Variants in OSBPL3 observed in about 807,000 individuals in gnomAD.
OSBPL3 encodes the protein oxysterol binding protein like 3.
In OSBPL3, 65 loss-of-function variants were observed where a neutral mutation model predicts 120.1. That is an observed-to-expected ratio of 0.54 (90% confidence interval 0.44 to 0.67). The LOEUF (loss-of-function observed/expected upper bound fraction) is 0.67, where lower values mean the gene tolerates loss of function less well. OSBPL3 is among the 30% of genes least tolerant of loss of function. The probability of loss-of-function intolerance (pLI) is 0.00; values close to 1 mark genes in which losing one functional copy is unlikely to be tolerated. For synonymous variants in OSBPL3, 416 were observed against 402.6 expected (o/e 1.03, Z -0.40); for missense variants, 1,004 against 1,082.1 (o/e 0.93, Z 1.01).
chr7:24,837,115 G>A (rs149435765), intron 14 of OSBPL3, among the ~76,000 whole-genome samples: 20 of 152,316 alleles, frequency 1.3e-4, no homozygotes, highest in African/African-American at 3.6e-4. Flanking sequence ...GATTACAGGC[G>A]TGAGCCACCA....
rs982083244 is a variant in OSBPL3 at position 24,827,170 on chromosome 7, G to C, written c.1884+3598C>G. ...CAGAAACCTGTACTCATTGTAGAGA[G>C]GCACAAGAAAACAAACCTCTAAGCC... On this transcript the variant is annotated intron_variant, in intron 16 of 22. Transcript: ENST00000313367. This position sits in a 1 kb window ranked among gnomAD's most constrained non-coding sequence, Gnocchi z 5.1. Among the ~76,000 whole-genome samples, 4 of 152,204 alleles carry C rather than the reference G, an allele frequency of 2.6e-5. No individual in the cohort carries two copies. The highest frequency in any genetic ancestry group is 5.9e-5 in the Non-Finnish European group (4 of 68,034).
intron 1 of OSBPL3, chr7:24,906,729 C>T (rs1168212760): frequency 2.6e-5 from 4 of 152,344 alleles, no homozygotes; most frequent in African/African-American, 7.2e-5. Context: ...AGTGCTGATA[C>T]CTCTTAACTT....
rs1163378286 is a variant in OSBPL3, at chr7:24,966,875, T to A, written c.-150+13011A>T. On this transcript the variant is annotated intron_variant, in intron 1 of 22. Transcript: ENST00000313367. This position sits in a 1 kb window ranked among gnomAD's most constrained non-coding sequence, Gnocchi z 4.8. ...CATATATAAATCACATACATACAAA[T>A]TTATGTCAACAAATAATCATTTTTT... Among the ~76,000 whole-genome samples the A allele has an allele frequency of 1.3e-5, 2 of 152,220 alleles. No homozygotes were observed. Among genetic ancestry groups the A allele is most frequent in the Non-Finnish European group, 1.5e-5 (1 of 68,032 alleles).
chr7:24,921,431 A>T (rs539621508), intron 1 of OSBPL3, among the ~76,000 whole-genome samples: 1 of 152,334 alleles, frequency 6.6e-6, no homozygotes, highest in Admixed American at 6.5e-5. Context: ...GGTAATTGTA[A>T]ATCACCTCTT....
intron 10 of OSBPL3, among the ~76,000 whole-genome samples, chr7:24,856,928 A>G (rs1799910305): frequency 6.6e-6 from 1 of 152,210 alleles, no homozygotes; most frequent in Non-Finnish European, 1.5e-5. Flanking sequence ...ATTGATTTAG[A>G]TACATTAGGT....
intron 1 of OSBPL3, among the ~76,000 whole-genome samples, chr7:24,962,101 G>A (rs763019238): frequency 1.3e-5 from 2 of 151,874 alleles, no homozygotes; most frequent in East Asian, 2.0e-4. Flanking sequence ...TCAGGAGTTC[G>A]AGACCAGCCT....
At chr7:24,857,837 A>G (rs1311771312) in intron 10 of OSBPL3, among the ~76,000 whole-genome samples, 2 of 152,270 alleles carry the variant, frequency 1.3e-5, no homozygotes, top group East Asian at 3.9e-4. Flanking sequence ...GGCCTTTACT[A>G]TTTACTGTTC....
intron 1 of OSBPL3, among the ~76,000 whole-genome samples, chr7:24,924,187 A>C (rs776524751): frequency 1.3e-5 from 2 of 152,192 alleles, no homozygotes; most frequent in African/African-American, 2.4e-5. Flanking sequence ...CTCTAAAAAG[A>C]TTTATGGTTA....
rs1319965204 is a variant in OSBPL3 at position 24,830,858 on chromosome 7, G to A, written c.1794C>T (p.Tyr598=). The A allele has an allele frequency of 8.1e-6, 13 of 1,613,836 alleles. No individual in the cohort carries two copies. The South Asian group carries it at 1.3e-4, about 16-fold the overall frequency. The change falls in exon 16 of 23, where the codon TAC becomes TAT. Residue 598 remains tyrosine (Y), a synonymous_variant. Coordinates refer to ENST00000313367, the MANE Select transcript of OSBPL3 (RefSeq NM_015550.4). The surrounding 1 kb of genome is among the most constrained non-coding windows in gnomAD (Gnocchi z 4.4). The part of the protein sequence containing the change: ...FAISAYASSY[Y]RAGSKPFNPV... Reference sequence around the variant, plus strand: ...GATTAAATGGCTTGCTTCCAGCTCGGTAGTAGCTAGATGCATACGCTGATA... The same window carrying A: ...GATTAAATGGCTTGCTTCCAGCTCGATAGTAGCTAGATGCATACGCTGATA...
intron 19 of OSBPL3, chr7:24,810,171 TGG>T: frequency 2.0e-6 from 1 of 508,154 alleles, no homozygotes; most frequent in Non-Finnish European, 3.5e-6. Flanking sequence ...CATTGTGGAA[TGG>T]CTAAATCAAG....
intron 1 of OSBPL3, among the ~76,000 whole-genome samples, chr7:24,928,711 C>T (rs1430416901): frequency 2.0e-5 from 3 of 152,212 alleles, no homozygotes; most frequent in African/African-American, 7.2e-5. Flanking sequence ...TGATTTCTAT[C>T]ACTACCATCT....
chr7:24,859,665 C>T (rs1800258642), intron 10 of OSBPL3, among the ~76,000 whole-genome samples: 2 of 152,076 alleles, frequency 1.3e-5, no homozygotes, highest in African/African-American at 2.4e-5. Flanking sequence ...CCATGTGACC[C>T]TCAGGAAGCT....
At position 24,918,187 on chromosome 7, in the gene OSBPL3, G is replaced by T; in HGVS notation, c.-149-25566C>A. Reference sequence around the variant, plus strand: ...TTCATGTACAGACCTGAGAGGTCAAGAGAGTCATGAGAAACTGACCATCAC... The same window carrying T: ...TTCATGTACAGACCTGAGAGGTCAATAGAGTCATGAGAAACTGACCATCAC... On this transcript the variant is annotated intron_variant, in intron 1 of 22. Transcript: ENST00000313367. This position sits in a 1 kb window ranked among gnomAD's most constrained non-coding sequence, Gnocchi z 4.3. The T allele has an allele frequency of 2.7e-6, 1 of 367,000 alleles. No individual in the cohort carries two copies. Among genetic ancestry groups the T allele is most frequent in the Non-Finnish European group, 3.8e-6 (1 of 264,670 alleles). 22.7% of individuals were successfully genotyped at this position (367,000 alleles called of 1,614,324 possible). A position where few individuals can be genotyped will look rare whatever the true frequency, so the allele number is the denominator to read the frequency against.
In OSBPL3 at chr7:24,852,536, G is replaced by A; in HGVS notation, c.1126C>T (p.Gln376Ter). ...AGGGCGTTCTTCAGACCAATGACCTGAGCAGACGGGGAGGAGGAGGCATCC... is the reference window on the plus strand; with the variant it reads ...AGGGCGTTCTTCAGACCAATGACCTAAGCAGACGGGGAGGAGGAGGCATCC... ...EQDASSSPSA[Q>*]VIGLKNALSS... Residue 376 changes from glutamine (Q) to a stop codon, truncating the protein, a stop_gained, in exon 11 of 23, where the codon CAG becomes TAG. Coordinates refer to ENST00000313367, the MANE Select transcript of OSBPL3 (RefSeq NM_015550.4). LOFTEE classifies it high-confidence loss of function. The surrounding 1 kb of genome is among the most constrained non-coding windows in gnomAD (Gnocchi z 4.1). 1 of 1,603,316 alleles carries A rather than the reference G, an allele frequency of 6.2e-7. No individual in the cohort carries two copies. The highest frequency in any genetic ancestry group is 8.5e-7 in the Non-Finnish European group (1 of 1,177,554).
Position 24,798,082 on chromosome 7 carries a change from T to C in OSBPL3, c.*2101A>G, listed in dbSNP as rs747461222. The C allele has an allele frequency of 1.3e-5, 2 of 152,242 alleles. No homozygotes were observed. The highest frequency in any genetic ancestry group is 6.5e-5 in the Admixed American group (1 of 15,288). 9.4% of individuals were successfully genotyped at this position (152,242 alleles called of 1,614,324 possible). ...AAAATCTGCATATAGTTCTCTATCA[T>C]ATTTTAATTCGTTCCCACCCCCATC... On this transcript the variant is annotated 3_prime_UTR_variant, in exon 23 of 23. Transcript: ENST00000313367. This position sits in a 1 kb window ranked among gnomAD's most constrained non-coding sequence, Gnocchi z 4.6.
Position 24,953,084 on chromosome 7 carries a change from C to G in OSBPL3, c.-150+26802G>C, listed in dbSNP as rs550684651. ...CCTAGGATTTCAAGGTTGCAGTGAG[C>G]CATGATCACACCACTGTGCTCCAGC... On this transcript the variant is annotated intron_variant, in intron 1 of 22. Coordinates refer to ENST00000313367, the MANE Select transcript of OSBPL3 (RefSeq NM_015550.4). This position sits in a 1 kb window ranked among gnomAD's most constrained non-coding sequence, Gnocchi z 4.3. 2.0e-5 allele frequency among the ~76,000 whole-genome samples: 3 copies of G among 152,248 alleles called. No individual in the cohort carries two copies. The highest frequency in any genetic ancestry group is 7.2e-5 in the African/African-American group (3 of 41,532).
chr7:24,919,345 T>C (rs895449142), intron 1 of OSBPL3, among the ~76,000 whole-genome samples: 3 of 152,096 alleles, frequency 2.0e-5, no homozygotes, highest in Non-Finnish European at 4.4e-5. Flanking sequence ...AATGTAGACA[T>C]TAAGCCCTCA....
chr7:24,833,506 G>A lies in OSBPL3; in HGVS notation c.1746+980C>T, dbSNP rs1219642663. ...TGATGTTTTAATGAGCGCTAGAACT[G>A]CAGAATGCTTAGAATGTAGAAAATA... On this transcript the variant is annotated intron_variant, in intron 15 of 22. Transcript: ENST00000313367. The surrounding 1 kb of genome is among the most constrained non-coding windows in gnomAD (Gnocchi z 4.4). 6.6e-6 allele frequency among the ~76,000 whole-genome samples: 1 copy of A among 152,180 alleles called. No individual in the cohort carries two copies. The highest frequency in any genetic ancestry group is 1.5e-5 in the Non-Finnish European group (1 of 68,028).
intron 19 of OSBPL3, among the ~76,000 whole-genome samples, chr7:24,812,752 G>A (rs1348959295): frequency 6.6e-6 from 1 of 152,186 alleles, no homozygotes; most frequent in East Asian, 1.9e-4. Context: ...TTTCAAGGCT[G>A]TGGTAAAAAT....
Sources: gnomAD v4.1 joint callset for allele counts (sites outside exome capture counted in the v4.1 genomes callset) on GRCh38, gnomAD v4.1.1 for gene constraint, Gnocchi (gnomAD v3.1) non-coding constraint, MANE v1.5 for transcripts, NCBI Gene and HGNC (gene_info 2026-07-23, HGNC 2026-07-21) for gene names.